The following MAGI2 variants were observed in gnomAD, a reference collection of about 807,000 sequenced individuals.
MAGI2 encodes the protein membrane associated guanylate kinase, WW and PDZ domain containing 2.
MAGI2 carries 35 observed loss-of-function variants against 133.3 expected under a neutral mutation model. That is an observed-to-expected ratio of 0.26 (90% CI 0.20 to 0.35). The LOEUF is 0.35. Among genes scored for constraint, MAGI2 ranks in the 10% least tolerant of loss-of-function variants. MAGI2 has a pLI of 1.00. For missense variants in MAGI2, 1,636 were observed against 1,863.4 expected (o/e 0.88, Z 2.25); for synonymous variants, 729 against 710.6 (o/e 1.03, Z -0.41).
chr7:79,082,930 A>G (rs1455883324), intron 1 of MAGI2, among the ~76,000 whole-genome samples: 1 of 151,618 alleles, frequency 6.6e-6, no homozygotes, highest in Non-Finnish European at 1.5e-5. Flanking sequence ...TTACTCAAGT[A>G]TTTTTACCTG....
At chr7:79,185,150 A>T (rs1260783464) in intron 1 of MAGI2, among the ~76,000 whole-genome samples, 1 of 151,802 alleles carries the variant, frequency 6.6e-6, no homozygotes, top group Non-Finnish European at 1.5e-5. Flanking sequence ...TTAGAAATTG[A>T]TGCTGAGAGA....
rs1583934827 is a variant in MAGI2 at position 78,108,119 on chromosome 7, A to G, written c.3567+17575T>C. 5.3e-5 allele frequency among the ~76,000 whole-genome samples: 8 copies of G among 152,086 alleles called. No individual in the cohort carries two copies. In the South Asian group the frequency reaches 1.7e-3, roughly 32 times the overall value. ...TTGATGCAGGCACTTATTGCTATAA[A>G]CTTTCCTCTTAATATTGTTTTTGCT... On this transcript the variant is annotated intron_variant, in intron 20 of 21. Coordinates refer to ENST00000354212, the MANE Select transcript of MAGI2 (RefSeq NM_012301.4).
chr7:78,608,807 G>A (rs1337906481), intron 3 of MAGI2, among the ~76,000 whole-genome samples: 1 of 152,186 alleles, frequency 6.6e-6, no homozygotes. Context: ...TTTTGTCCTT[G>A]TTATCACCCC....
At chr7:78,367,729 G>A (rs553384893) in intron 7 of MAGI2, among the ~76,000 whole-genome samples, 14 of 152,212 alleles carry the variant, frequency 9.2e-5, no homozygotes, top group Middle Eastern at 3.4e-3. Context: ...CTTGAATATC[G>A]GATGTAGTAG....
At chr7:79,240,052 G>T (rs1490481274) in intron 1 of MAGI2, among the ~76,000 whole-genome samples, 1 of 152,146 alleles carries the variant, frequency 6.6e-6, no homozygotes, top group Non-Finnish European at 1.5e-5. Flanking sequence ...TCCATAGCCA[G>T]TGCCATCCCT....
chr7:78,439,524 C>T (rs894347854), intron 6 of MAGI2, among the ~76,000 whole-genome samples: 2 of 152,016 alleles, frequency 1.3e-5, no homozygotes, highest in Non-Finnish European at 2.9e-5. Context: ...GATGTGGGAC[C>T]TTTGAGGAGG....
intron 1 of MAGI2, among the ~76,000 whole-genome samples, chr7:79,021,143 G>C (rs1369872112): frequency 6.6e-6 from 1 of 152,242 alleles, no homozygotes; most frequent in Non-Finnish European, 1.5e-5. Context: ...TTCAGAGGAT[G>C]TATGGAAACA....
intron 2 of MAGI2, among the ~76,000 whole-genome samples, chr7:78,995,219 A>C (rs1806169604): frequency 6.6e-6 from 1 of 152,058 alleles, no homozygotes; most frequent in South Asian, 2.1e-4. Flanking sequence ...AGAGTTTACA[A>C]GTTTGTGTTG....
chr7:78,944,963 T>C (rs1031120914), intron 2 of MAGI2, among the ~76,000 whole-genome samples: 3 of 152,120 alleles, frequency 2.0e-5, no homozygotes, highest in African/African-American at 7.2e-5. Context: ...GGTCTGGTAC[T>C]CCTGGGCTCA....
intron 21 of MAGI2, among the ~76,000 whole-genome samples, chr7:78,065,211 A>G (rs1012731873): frequency 2.0e-5 from 3 of 152,164 alleles, no homozygotes; most frequent in Non-Finnish European, 4.4e-5. Context: ...AGCTTAGGTT[A>G]CAGCTGTCTA....
At chr7:78,828,184 C>T (rs1328226533) in intron 2 of MAGI2, among the ~76,000 whole-genome samples, 2 of 151,200 alleles carry the variant, frequency 1.3e-5, no homozygotes, top group African/African-American at 4.9e-5. Context: ...CGTGCCCAGC[C>T]TTCCCCGCCT....
intron 1 of MAGI2, among the ~76,000 whole-genome samples, chr7:79,042,409 C>T (rs1301294082): frequency 6.6e-6 from 1 of 152,090 alleles, no homozygotes; most frequent in South Asian, 2.1e-4. Flanking sequence ...TTACTTTGAG[C>T]CTATGAGTGT....
chr7:78,820,430 G>GTCATAATTAA (rs1347418125), intron 2 of MAGI2, among the ~76,000 whole-genome samples: 1 of 151,834 alleles, frequency 6.6e-6, no homozygotes, highest in Non-Finnish European at 1.5e-5. Flanking sequence ...GGAACGGAGA[G>GTCATAATTAA]ACATAGTCAT....
Position 78,563,177 on chromosome 7 carries a change from T to C in MAGI2, c.539-41532A>G, listed in dbSNP as rs556848319. Among the ~76,000 whole-genome samples the C allele has an allele frequency of 5.3e-5, 8 of 152,322 alleles. No individual in the cohort carries two copies. In the South Asian group the frequency reaches 1.2e-3, roughly 24 times the overall value. On this transcript the variant is annotated intron_variant, in intron 3 of 21. Coordinates refer to ENST00000354212, the MANE Select transcript of MAGI2 (RefSeq NM_012301.4). ...AGTCTCTATTAAAGTCCTAATGTCC[T>C]GCTGAGCCATCCTTGCAAGATGACA...
chr7:78,491,535 C>G (rs1345102312), intron 5 of MAGI2, among the ~76,000 whole-genome samples: 1 of 152,024 alleles, frequency 6.6e-6, no homozygotes, highest in African/African-American at 2.4e-5. Flanking sequence ...ATAAATTGAT[C>G]GGATAAAGGC....
At chr7:78,143,020 C>A (rs934388449) in intron 16 of MAGI2, among the ~76,000 whole-genome samples, 1 of 152,130 alleles carries the variant, frequency 6.6e-6, no homozygotes. Context: ...AACCCTATTT[C>A]GGCAATTTTT....
At chr7:78,038,125 C>T (rs1395614354) in intron 21 of MAGI2, among the ~76,000 whole-genome samples, 3 of 152,048 alleles carry the variant, frequency 2.0e-5, no homozygotes, top group African/African-American at 7.2e-5. Context: ...GTGTGTCTCC[C>T]TTTACTAGAC....
intron 9 of MAGI2, among the ~76,000 whole-genome samples, chr7:78,316,075 G>T (rs1163825123): frequency 6.6e-6 from 1 of 152,170 alleles, no homozygotes; most frequent in East Asian, 1.9e-4. Flanking sequence ...TTAGCTGTCC[G>T]TCTGTGAGTG....
chr7:78,950,436 G>A (rs1038092509), intron 2 of MAGI2, among the ~76,000 whole-genome samples: 1 of 152,148 alleles, frequency 6.6e-6, no homozygotes, highest in Admixed American at 6.5e-5. Flanking sequence ...AGACACTGAT[G>A]TTCTTTGAAA....
Sources: gnomAD v4.1 joint callset for allele counts (sites outside exome capture counted in the v4.1 genomes callset) on GRCh38, gnomAD v4.1.1 for gene constraint, MANE v1.5 for transcripts, NCBI Gene and HGNC (gene_info 2026-07-23, HGNC 2026-07-21) for gene names.